The following HNRNPUL1 variants were observed in gnomAD, a reference collection of about 807,000 sequenced individuals.
The protein encoded by HNRNPUL1 is heterogeneous nuclear ribonucleoprotein U-like protein 1.
Under a neutral mutation model 108.5 loss-of-function variants are expected in HNRNPUL1, and 14 were observed. That is an observed-to-expected ratio of 0.13 (90% CI 0.09 to 0.20). The LOEUF (loss-of-function observed/expected upper bound fraction) is 0.20. Among genes scored for constraint, HNRNPUL1 ranks in the 10% least tolerant of loss-of-function variants. The pLI is 1.00. For missense variants in HNRNPUL1, 804 were observed against 1,168.3 expected, an observed-to-expected ratio of 0.69 and a Z score of 4.55; for synonymous variants, 422 against 445.2, an observed-to-expected ratio of 0.95 and a Z score of 0.66.
chr19:41,264,196 T>A (rs145660713), upstream of HNRNPUL1: 1 of 294,304 alleles, frequency 3.4e-6, no homozygotes, highest in African/African-American at 2.2e-5. Context: ...GGCTTCGACG[T>A]AGGCCAACGC....
Position 41,272,204 on chromosome 19 carries a change from C to T in HNRNPUL1, c.541C>T (p.Arg181Trp), listed in dbSNP as rs746763454. 2.8e-5 allele frequency: 45 copies of T among 1,613,660 alleles called. No homozygotes were observed. In the Middle Eastern group the frequency reaches 3.0e-3, roughly 107 times the overall value. Residue 181 changes from arginine to tryptophan, a missense_variant, in exon 3 of 15, where the codon CGG becomes TGG. This residue lies in a region of HNRNPUL1 where 256 missense variants were observed against 261.6 expected (regional missense o/e 0.98). Transcript: ENST00000392006. ...GAGGCCTTATGAAGAAAACCGGGGA[C>T]GGGGGTACTTTGAGCACCGAGAGGA... Reference protein sequence around the residue: ...RKRPYEENRGRGYFEHREDRR... With the variant: ...RKRPYEENRGWGYFEHREDRR...
At chr19:41,289,464 TA>T (rs1297163918) in intron 7 of HNRNPUL1, among the ~76,000 whole-genome samples, 4 of 152,154 alleles carry the variant, frequency 2.6e-5, no homozygotes, top group African/African-American at 4.8e-5. Flanking sequence ...CACCAGGCTA[TA>T]AAAATGGCAG....
At chr19:41,281,554 C>G (rs2035900752) in intron 7 of HNRNPUL1, among the ~76,000 whole-genome samples, 1 of 152,032 alleles carries the variant, frequency 6.6e-6, no homozygotes, top group Non-Finnish European at 1.5e-5. Context: ...ACCAGAGTAA[C>G]ATTTTCTAAA....
intron 11 of HNRNPUL1, 144 bp downstream of exon 11, chr19:41,301,848 G>C: frequency 1.3e-6 from 1 of 747,888 alleles, no homozygotes; most frequent in South Asian, 2.0e-5. Flanking sequence ...TCCCTTCCTT[G>C]TCTACCACAG....
At position 41,305,815 on chromosome 19, in the gene HNRNPUL1, C is replaced by T. The variant is rs2123020106; in HGVS notation, c.2402C>T (p.Pro801Leu). 6.2e-7 allele frequency: 1 copy of T among 1,609,274 alleles called. No homozygotes were observed. Among genetic ancestry groups the T allele is most frequent in the East Asian group, 2.2e-5 (1 of 44,818 alleles). The change falls in exon 14 of 15, where the codon CCA becomes CTA. Residue 801 changes from proline (P) to leucine (L), a missense_variant. Transcript: ENST00000392006. ...GYNPAPYTPPPPPTAQTYPQP... is the reference protein window; with the variant it reads ...GYNPAPYTPPLPPTAQTYPQP... The stretch of plus-strand genomic sequence containing the variant: ...AACCCGGCCCCCTATACCCCACCGC[C>T]ACCCCCCACTGCACAGACCTACCCT...
At chr19:41,299,931 G>A (rs2037106897) in intron 10 of HNRNPUL1, among the ~76,000 whole-genome samples, 1 of 152,016 alleles carries the variant, frequency 6.6e-6, no homozygotes, top group Non-Finnish European at 1.5e-5. Context: ...TATGAGCCAG[G>A]GCCTGGGCTT....
chr19:41,306,601 G>T lies in HNRNPUL1; in HGVS notation c.*36G>T. 7.4e-7 allele frequency: 1 copy of T among 1,359,278 alleles called. No homozygotes were observed. The highest frequency in any genetic ancestry group is 9.9e-7 in the Non-Finnish European group (1 of 1,012,282). The allele number at this position is 1,359,278 out of a possible 1,614,324, so 84.2% of individuals were successfully genotyped here. A position where few individuals can be genotyped will look rare whatever the true frequency, so the allele number is the denominator to read the frequency against. ...CCAGAGGCTCCCGGAGGCCCCTGCC[G>T]GCTTCCTCCACCAGCGCCTGCCTCG... On this transcript the variant is annotated 3_prime_UTR_variant, in exon 15 of 15. Transcript: ENST00000392006.
chr19:41,285,770 G>C (rs1274666398), intron 7 of HNRNPUL1, among the ~76,000 whole-genome samples: 2 of 151,994 alleles, frequency 1.3e-5, no homozygotes, highest in Non-Finnish European at 2.9e-5. Context: ...GGGTCAAAGT[G>C]GTTTATTTGT....
chr19:41,276,337 C>T, intron 5 of HNRNPUL1, 39 bp downstream of exon 5: 2 of 1,566,990 alleles, frequency 1.3e-6, no homozygotes, highest in Non-Finnish European at 1.7e-6. Flanking sequence ...ACAGAGAAGT[C>T]CATCCATTGT....
chr19:41,303,437 T>C (rs370640956), intron 12 of HNRNPUL1, among the ~76,000 whole-genome samples: 1 of 147,266 alleles, frequency 6.8e-6, no homozygotes, highest in East Asian at 2.1e-4. Flanking sequence ...CACTGCAACC[T>C]CTGCCTCCCG....
chr19:41,265,382 TG>T, intron 1 of HNRNPUL1: 1 of 1,516,566 alleles, frequency 6.6e-7, no homozygotes, highest in Non-Finnish European at 8.8e-7. Flanking sequence ...CGCTGGTGTC[TG>T]TGGCTGGGGA....
Position 41,279,068 on chromosome 19 carries a change from T to C in HNRNPUL1, c.787-9T>C. 1 of 1,611,552 alleles carries C rather than the reference T, an allele frequency of 6.2e-7. No individual in the cohort carries two copies. Among genetic ancestry groups the C allele is most frequent in the Non-Finnish European group, 8.5e-7 (1 of 1,177,728 alleles). On this transcript the variant is annotated splice_polypyrimidine_tract_variant and intron_variant, in intron 5 of 14. Transcript: ENST00000392006. Reference sequence around the variant, plus strand: ...AGCAACCCTGAGCCCTTTTGTCCTCTTTCCTCAGATCAATGAGGAAATCTC... The same window carrying C: ...AGCAACCCTGAGCCCTTTTGTCCTCCTTCCTCAGATCAATGAGGAAATCTC...
chr19:41,266,665 G>T (rs188381899), intron 1 of HNRNPUL1, among the ~76,000 whole-genome samples: 34 of 152,136 alleles, frequency 2.2e-4, no homozygotes, highest in African/African-American at 7.5e-4. Flanking sequence ...GGATTCTGGC[G>T]TAAGAGTTTG....
At chr19:41,290,801 A>G (rs1431250629) in intron 7 of HNRNPUL1, among the ~76,000 whole-genome samples, 1 of 152,238 alleles carries the variant, frequency 6.6e-6, no homozygotes, top group Non-Finnish European at 1.5e-5. Context: ...TCACACCTGT[A>G]ATCCCAGCAC....
chr19:41,291,994 CAAAAAA>C, intron 7 of HNRNPUL1: 1 of 247,792 alleles, frequency 4.0e-6, no homozygotes. Flanking sequence ...AAAAAAAAAA[CAAAAAA>C]AAAAAACTCT....
At chr19:41,264,078 A>G (rs200472690), upstream of HNRNPUL1, among the ~76,000 whole-genome samples, 1 of 152,180 alleles carries the variant, frequency 6.6e-6, no homozygotes, top group East Asian at 1.9e-4. Flanking sequence ...ATTGGACCAA[A>G]TTGTTACTCC....
chr19:41,302,974 C>T (rs1397126379), intron 12 of HNRNPUL1, 25 bp downstream of exon 12: 1 of 1,510,050 alleles, frequency 6.6e-7, no homozygotes, highest in Non-Finnish European at 8.8e-7. Context: ...ACACAGCACT[C>T]TCCACTTTCT....
chr19:41,304,231 C>T lies in HNRNPUL1; in HGVS notation c.2232C>T (p.Thr744=), dbSNP rs1231588349. Reference sequence around the variant, plus strand: ...CTGGCTCAAGCGCCAATACCAGCACCCCCACCGTCAGCAGCTACAGCCCTC... The same window carrying T: ...CTGGCTCAAGCGCCAATACCAGCACTCCCACCGTCAGCAGCTACAGCCCTC... The part of the protein sequence containing the change: ...NIPGSSANTS[T]PTVSSYSPPQ... The change falls in exon 13 of 15, where the codon ACC becomes ACT. Residue 744 remains threonine, a synonymous_variant. Transcript: ENST00000392006. 4 of 1,611,906 alleles carry T rather than the reference C, an allele frequency of 2.5e-6. No individual in the cohort carries two copies. In the African/African-American group the frequency reaches 4.0e-5, roughly 16 times the overall value.
chr19:41,265,969 G>C (rs1202931031), intron 1 of HNRNPUL1, among the ~76,000 whole-genome samples: 1 of 152,070 alleles, frequency 6.6e-6, no homozygotes, highest in Admixed American at 6.5e-5. Context: ...AAATCTCGAC[G>C]GTTCCCAGAA....
Sources: gnomAD v4.1 joint callset for allele counts (sites outside exome capture counted in the v4.1 genomes callset) on GRCh38, gnomAD v4.1.1 for gene constraint, gnomAD v4.1.1 regional missense constraint, MANE v1.5 for transcripts, NCBI Gene and HGNC (gene_info 2026-07-23, HGNC 2026-07-21) for gene names.